EFCAB5: variants seen among roughly 807,000 people sequenced by gnomAD.
EFCAB5 encodes the protein EF-hand calcium binding domain 5, also known as EF-hand calcium-binding domain-containing protein 5.
EFCAB5 carries 131 observed loss-of-function variants against 167.9 expected under a neutral mutation model. That is an observed-to-expected ratio of 0.78 (90% confidence interval 0.68 to 0.90). The LOEUF (loss-of-function observed/expected upper bound fraction) is 0.90. Among genes scored for constraint, EFCAB5 ranks in the 40% least tolerant of loss-of-function variants. The pLI is 0.00. For synonymous variants in EFCAB5, 574 were observed against 602.8 expected, an observed-to-expected ratio of 0.95 and a Z score of 0.70; for missense variants, 1,663 against 1,745.2, an observed-to-expected ratio of 0.95 and a Z score of 0.84.
intron 5 of EFCAB5, among the ~76,000 whole-genome samples, chr17:29,994,141 T>C (rs1597637418): frequency 1.3e-5 from 1 of 74,772 alleles, no homozygotes; most frequent in South Asian, 4.2e-4. Flanking sequence ...CAAATATATA[T>C]ATATATATAT....
At chr17:29,982,439 C>A (rs564770919) in intron 4 of EFCAB5, among the ~76,000 whole-genome samples, 1 of 151,880 alleles carries the variant, frequency 6.6e-6, no homozygotes, top group South Asian at 2.1e-4. Context: ...GAAACTAAGA[C>A]CACCAGAGCT....
At chr17:30,087,546 G>A (rs992873994) in intron 19 of EFCAB5, among the ~76,000 whole-genome samples, 1 of 152,086 alleles carries the variant, frequency 6.6e-6, no homozygotes, top group African/African-American at 2.4e-5. Context: ...GTGGTGTTTG[G>A]TTTTCTGTTC....
chr17:30,004,787 A>ATTTTTT (rs60231360), intron 7 of EFCAB5, among the ~76,000 whole-genome samples: 21 of 115,138 alleles, frequency 1.8e-4, no homozygotes, highest in South Asian at 2.8e-4. Flanking sequence ...CTCCTGGCTA[A>ATTTTTT]TTTTTTTTTT....
At chr17:30,092,684 C>A (rs769263106) in intron 21 of EFCAB5, among the ~76,000 whole-genome samples, 156 bp from the exon 22 acceptor site, 2 of 152,164 alleles carry the variant, frequency 1.3e-5, no homozygotes, top group African/African-American at 2.4e-5. Flanking sequence ...CCACCACACC[C>A]GGCCATGGGT....
rs376777099 is a variant in EFCAB5 at position 29,952,752 on chromosome 17, A to G, written c.190+9103A>G. Among the ~76,000 whole-genome samples, 13 of 152,312 alleles carry G rather than the reference A, an allele frequency of 8.5e-5. No homozygotes were observed. The South Asian group carries it at 2.7e-3, about 32-fold the overall frequency. On this transcript the variant is annotated intron_variant, in intron 3 of 22. Coordinates refer to ENST00000394835, the MANE Select transcript of EFCAB5 (RefSeq NM_198529.4). ...CATGGAAATGATAAACATGAAATTC[A>G]GAATAGTCTATCTCTCAAAGTAGCA...
intron 18 of EFCAB5, among the ~76,000 whole-genome samples, chr17:30,086,290 CAA>C (rs2071087889): frequency 6.6e-6 from 1 of 151,994 alleles, no homozygotes; most frequent in Admixed American, 6.5e-5. Context: ...AAATATTGAT[CAA>C]GACTCATTAA....
At chr17:30,025,950 A>G (rs2069308495) in intron 7 of EFCAB5, among the ~76,000 whole-genome samples, 1 of 151,906 alleles carries the variant, frequency 6.6e-6, no homozygotes, top group Non-Finnish European at 1.5e-5. Flanking sequence ...GTTCTCACTC[A>G]TAGATGGGAA....
intron 3 of EFCAB5, among the ~76,000 whole-genome samples, chr17:29,949,133 G>T (rs1222280508): frequency 1.3e-5 from 2 of 152,208 alleles, no homozygotes; most frequent in African/African-American, 4.8e-5. Context: ...AGCCTGCTAA[G>T]ACTTATTACA....
At chr17:29,974,367 C>T (rs894755392) in intron 4 of EFCAB5, among the ~76,000 whole-genome samples, 3 of 151,590 alleles carry the variant, frequency 2.0e-5, no homozygotes, top group Non-Finnish European at 4.4e-5. Flanking sequence ...AGCAAGACCC[C>T]GTCTCTACAA....
At chr17:29,966,729 C>T (rs1474090506) in intron 3 of EFCAB5, among the ~76,000 whole-genome samples, 1 of 152,136 alleles carries the variant, frequency 6.6e-6, no homozygotes, top group African/African-American at 2.4e-5. Flanking sequence ...TATATGCAGT[C>T]CGCACTTAAA....
chr17:29,968,718 ATAT>A (rs2067884769), intron 3 of EFCAB5, 70 bp from the exon 4 acceptor site: 1 of 1,274,836 alleles, frequency 7.8e-7, no homozygotes, highest in Admixed American at 3.4e-5. Flanking sequence ...ATTTTTTCAA[ATAT>A]TATTCTAAAG....
intron 7 of EFCAB5, among the ~76,000 whole-genome samples, chr17:30,018,082 T>TA (rs2069090201): frequency 6.6e-6 from 1 of 152,166 alleles, no homozygotes; most frequent in African/African-American, 2.4e-5. Flanking sequence ...ACCTAAACCA[T>TA]ACCTTGAATG....
intron 3 of EFCAB5, among the ~76,000 whole-genome samples, chr17:29,946,079 A>G (rs2067391263): frequency 6.6e-6 from 1 of 152,230 alleles, no homozygotes; most frequent in African/African-American, 2.4e-5. Context: ...AATATTTGCC[A>G]TGTGTCCAAC....
chr17:30,080,671 G>T, intron 16 of EFCAB5, 82 bp from the exon 17 acceptor site: 2 of 1,039,732 alleles, frequency 1.9e-6, no homozygotes, highest in Non-Finnish European at 2.8e-6. Flanking sequence ...ATTGTGAATA[G>T]AGAATCGCTC....
In EFCAB5 at chr17:29,999,955, G is replaced by T; in HGVS notation, c.1023G>T (p.Leu341Phe). Reference protein sequence around the residue: ...LDITDSTEPRLNKMEFTEYIS... With the variant: ...LDITDSTEPRFNKMEFTEYIS... ...TTACTGACTCAACAGAACCAAGATT[G>T]AACAAAATGGAATTTACAGAAGTAA... Residue 341 changes from leucine to phenylalanine, a missense_variant, in exon 7 of 23, where the codon TTG becomes TTT. By Grantham distance (22) the Leu-to-Phe change is conservative. Transcript: ENST00000394835. 6.3e-7 allele frequency: 1 copy of T among 1,576,830 alleles called. No homozygotes were observed. Among genetic ancestry groups the T allele is most frequent in the Non-Finnish European group, 8.6e-7 (1 of 1,159,346 alleles).
At chr17:30,103,595 C>T (rs2071408059) in intron 22 of EFCAB5, among the ~76,000 whole-genome samples, 1 of 152,122 alleles carries the variant, frequency 6.6e-6, no homozygotes, top group Non-Finnish European at 1.5e-5. Flanking sequence ...TGATATTTTT[C>T]CTGATAAATC....
chr17:30,065,811 C>T (rs2151808310), intron 14 of EFCAB5: 1 of 152,196 alleles, frequency 6.6e-6, no homozygotes, highest in Admixed American at 6.5e-5. Flanking sequence ...GCAGGAGTAG[C>T]TATACTTAGA....
intron 10 of EFCAB5, among the ~76,000 whole-genome samples, chr17:30,055,325 GAA>G (rs1567746036): frequency 7.7e-5 from 2 of 26,030 alleles, no homozygotes; most frequent in Non-Finnish European, 2.5e-4. Context: ...AGAGAGAGAG[GAA>G]GGAAGGAAGG....
chr17:30,059,499 A>C (rs758906924), intron 13 of EFCAB5, 46 bp from the exon 14 acceptor site: 1 of 1,513,486 alleles, frequency 6.6e-7, no homozygotes, highest in Non-Finnish European at 8.9e-7. Flanking sequence ...TAGCTAGCAC[A>C]ATGAACATAT....
Sources: allele counts gnomAD v4.1 joint callset (sites outside exome capture counted in the v4.1 genomes callset), GRCh38; gene constraint gnomAD v4.1.1; transcripts MANE v1.5; gene names NCBI Gene and HGNC (gene_info 2026-07-23, HGNC 2026-07-21).